EMB: variants seen among roughly 807,000 people sequenced by gnomAD.
The protein encoded by EMB is embigin homolog.
In EMB, 31 loss-of-function variants were observed where a neutral mutation model predicts 41.4. The ratio of observed to expected loss-of-function variants is 0.75; its 90% CI spans 0.56 to 1.01. The LOEUF (loss-of-function observed/expected upper bound fraction) is 1.01, where lower values mean the gene tolerates loss of function less well. EMB is among the 50% of genes least tolerant of loss of function. EMB has a pLI of 0.00. For missense variants in EMB, 379 were observed against 388.3 expected (o/e 0.98, Z 0.20); for synonymous variants, 137 against 140.4 (o/e 0.98, Z 0.17).
intron 4 of EMB, among the ~76,000 whole-genome samples, chr5:50,407,365 A>G (rs1301517622): frequency 1.3e-5 from 2 of 152,024 alleles, no homozygotes; most frequent in Non-Finnish European, 2.9e-5. Flanking sequence ...GCTTTTCAAG[A>G]AAGTTGAGTA....
intron 2 of EMB, among the ~76,000 whole-genome samples, chr5:50,417,413 T>C (rs1745447271): frequency 6.6e-6 from 1 of 152,222 alleles, no homozygotes; most frequent in Non-Finnish European, 1.5e-5. Flanking sequence ...TCTTGTAATT[T>C]CACTTCTCTC....
At chr5:50,402,413 T>A in intron 6 of EMB, 94 bp from the exon 7 acceptor site, 2 of 1,145,878 alleles carry the variant, frequency 1.7e-6, no homozygotes, top group Non-Finnish European at 2.6e-6. Context: ...AGTAAGTAAG[T>A]ACTATGCTGT....
chr5:50,428,080 G>T, intron 2 of EMB, 64 bp downstream of exon 2: 1 of 1,216,296 alleles, frequency 8.2e-7, no homozygotes, highest in Non-Finnish European at 1.2e-6. Flanking sequence ...CAGTAGCTTT[G>T]TTTAAGAAAA....
intron 2 of EMB, among the ~76,000 whole-genome samples, chr5:50,420,597 C>T (rs1462766293): frequency 1.3e-5 from 2 of 152,210 alleles, no homozygotes; most frequent in Non-Finnish European, 2.9e-5. Context: ...TGTCCGGTTT[C>T]ACCTTTCATA....
rs1745291074 is a variant in EMB at position 50,409,020 on chromosome 5, A to G, written c.472+1857T>C. Among the ~76,000 whole-genome samples the G allele has an allele frequency of 2.0e-5, 3 of 152,140 alleles. No homozygotes were observed. The South Asian group carries it at 6.2e-4, about 31-fold the overall frequency. ...GTTAAAGGGGCATTAAAAACAAATT[A>G]GCTAACCTAAACTGCTTCAAGACAA... is the stretch of plus-strand genomic sequence containing the variant. On this transcript the variant is annotated intron_variant, in intron 4 of 8. Transcript: ENST00000303221.
intron 2 of EMB, among the ~76,000 whole-genome samples, chr5:50,421,005 T>G (rs1470257684): frequency 2.0e-5 from 3 of 152,206 alleles, no homozygotes; most frequent in Non-Finnish European, 4.4e-5. Flanking sequence ...GGATTTAAAA[T>G]TACTAATCTA....
chr5:50,418,216 G>A (rs1745460670), intron 2 of EMB, among the ~76,000 whole-genome samples: 1 of 152,160 alleles, frequency 6.6e-6, no homozygotes, highest in African/African-American at 2.4e-5. Flanking sequence ...ATAGTAAATG[G>A]TTACACTGTT....
At chr5:50,419,131 C>T (rs914281899) in intron 2 of EMB, among the ~76,000 whole-genome samples, 6 of 152,206 alleles carry the variant, frequency 3.9e-5, no homozygotes, top group African/African-American at 1.4e-4. Flanking sequence ...CAGTCCAGGA[C>T]TCAGATCAGC....
chr5:50,441,969 A>G (rs1043149524), upstream of EMB, among the ~76,000 whole-genome samples: 2 of 152,184 alleles, frequency 1.3e-5, no homozygotes, highest in African/African-American at 4.8e-5. Flanking sequence ...GCTCTTACCC[A>G]CAAGGCTGTA....
chr5:50,403,766 C>T (rs913330217), intron 5 of EMB, among the ~76,000 whole-genome samples: 2 of 151,952 alleles, frequency 1.3e-5, no homozygotes, highest in African/African-American at 2.4e-5. Flanking sequence ...TCCCAATCAT[C>T]TGAGTCTCAC....
intron 2 of EMB, among the ~76,000 whole-genome samples, chr5:50,427,846 A>G (rs1745645466): frequency 6.6e-6 from 1 of 152,232 alleles, no homozygotes; most frequent in South Asian, 2.1e-4. Flanking sequence ...TGTACCAGCA[A>G]GAATTAATGA....
At chr5:50,430,493 T>TAC (rs1315118713) in intron 1 of EMB, among the ~76,000 whole-genome samples, 14 of 152,156 alleles carry the variant, frequency 9.2e-5, no homozygotes, top group Non-Finnish European at 2.1e-4. Context: ...TAAGTGAATA[T>TAC]ACACAGTATC....
chr5:50,435,620 A>AC (rs914546985), intron 1 of EMB, among the ~76,000 whole-genome samples: 1 of 152,150 alleles, frequency 6.6e-6, no homozygotes, highest in African/African-American at 2.4e-5. Context: ...CAGATGGCAT[A>AC]CCATTTTTTT....
chr5:50,441,238 A>G lies in EMB; in HGVS notation c.-87T>C. ...GTCCAGAGTCCCTGCGCACACTCGC[A>G]GGTGGCCCGGCGCTCGCAGCCAGTG... On this transcript the variant is annotated 5_prime_UTR_variant, in exon 1 of 9. Transcript: ENST00000303221. The G allele has an allele frequency of 1.3e-6, 1 of 788,550 alleles. No individual in the cohort carries two copies. The highest frequency in any genetic ancestry group is 1.7e-6 in the Non-Finnish European group (1 of 576,430). 48.8% of individuals were successfully genotyped at this position (788,550 alleles called of 1,614,324 possible). A position where few individuals can be genotyped will look rare whatever the true frequency, so the allele number is the denominator to read the frequency against.
At chr5:50,441,324 C>T (rs1745909035), upstream of EMB, 2 of 393,636 alleles carry the variant, frequency 5.1e-6, no homozygotes, top group Non-Finnish European at 9.0e-6. Context: ...TTGCCCCACT[C>T]CCCCGAGACG....
chr5:50,399,287 A>G lies in EMB; in HGVS notation c.970T>C (p.Ser324Pro). The stretch of plus-strand genomic sequence containing the variant: ...ATGTTTTGTATTCACTGGCCCAGAG[A>G]CTCCTGAGTTAAATAAAGCATAATC... The part of the protein sequence containing the change: ...NNVPRHRKNE[S>P]LGQ Residue 324 changes from serine (S) to proline (P), a missense_variant, in exon 9 of 9, where the codon TCT becomes CCT. Coordinates refer to ENST00000303221, the MANE Select transcript of EMB (RefSeq NM_198449.3). 4 of 1,607,658 alleles carry G rather than the reference A, an allele frequency of 2.5e-6. No homozygotes were observed. The highest frequency in any genetic ancestry group is 3.4e-6 in the Non-Finnish European group (4 of 1,176,532).
At chr5:50,400,219 C>A (rs576715126) in intron 7 of EMB, among the ~76,000 whole-genome samples, 1 of 151,894 alleles carries the variant, frequency 6.6e-6, no homozygotes, top group Non-Finnish European at 1.5e-5. Context: ...TGGAAACATG[C>A]AAGGTAATAG....
At position 50,403,854 on chromosome 5, in the gene EMB, G is replaced by A. The variant is rs371206555; in HGVS notation, c.601-400C>T. Among the ~76,000 whole-genome samples, 16 of 151,802 alleles carry A rather than the reference G, an allele frequency of 1.1e-4. 1 individual carries two copies. The highest frequency in any genetic ancestry group is 3.6e-4 in the African/African-American group (15 of 41,432). On this transcript the variant is annotated intron_variant, in intron 5 of 8. Transcript: ENST00000303221. ...CACATATTCAAACAACTACCACCCC[G>A]GAAGCTACTATTTCTGATCATTTCT...
chr5:50,438,833 G>C (rs1179421583), intron 1 of EMB, among the ~76,000 whole-genome samples: 1 of 151,562 alleles, frequency 6.6e-6, no homozygotes, highest in East Asian at 1.9e-4. Flanking sequence ...TATACATAGA[G>C]TGACATCCCC....
Sources: gnomAD v4.1 joint callset for allele counts (sites outside exome capture counted in the v4.1 genomes callset) on GRCh38, gnomAD v4.1.1 for gene constraint, MANE v1.5 for transcripts, NCBI Gene and HGNC (gene_info 2026-07-23, HGNC 2026-07-21) for gene names.